Variants in LRIG1 observed in about 807,000 individuals in gnomAD.
LRIG1 encodes leucine rich repeats and immunoglobulin like domains 1, also known as leucine-rich repeats and immunoglobulin-like domains protein 1.
A neutral mutation model predicts 99.2 loss-of-function variants in LRIG1; 48 were observed. The observed-to-expected ratio is 0.48, with a 90% confidence interval of 0.38 to 0.62. LRIG1 has a LOEUF of 0.62. LRIG1 is among the 20% of genes least tolerant of loss of function. LRIG1 has a pLI of 0.00. For synonymous variants in LRIG1, 772 were observed against 596.1 expected (o/e 1.29, Z -4.30); for missense variants, 1,646 against 1,434.4 (o/e 1.15, Z -2.38).
chr3:66,486,195 T>C (rs777711923), intron 1 of LRIG1, among the ~76,000 whole-genome samples: 23 of 152,288 alleles, frequency 1.5e-4, no homozygotes, highest in Admixed American at 6.5e-4. Context: ...ATAGCTACCC[T>C]TCCTCAAGCT....
intron 3 of LRIG1, among the ~76,000 whole-genome samples, chr3:66,424,234 C>T (rs1254487372): frequency 1.3e-5 from 2 of 152,116 alleles, no homozygotes; most frequent in African/African-American, 4.8e-5. Flanking sequence ...ATGACACCCC[C>T]CACCCCCACT....
chr3:66,391,143 TAAAAA>T (rs1292347578), intron 12 of LRIG1, among the ~76,000 whole-genome samples: 1 of 151,918 alleles, frequency 6.6e-6, no homozygotes, highest in Non-Finnish European at 1.5e-5. Context: ...ACATCCAAAA[TAAAAA>T]AGACAGTTAA....
intron 15 of LRIG1, among the ~76,000 whole-genome samples, chr3:66,382,653 C>A (rs1344652912): frequency 6.6e-6 from 1 of 152,182 alleles, no homozygotes; most frequent in Non-Finnish European, 1.5e-5. Context: ...AAAGCCGGGG[C>A]TCACAGAAGT....
chr3:66,418,675 G>A lies in LRIG1; in HGVS notation c.366-1409C>T, dbSNP rs139315358. ...ATCTCTGGCCAATCAAAGCATTCTT[G>A]AACACAACACAAGTAAGCCAGGCGT... On this transcript the variant is annotated intron_variant, in intron 3 of 18. Coordinates refer to ENST00000273261, the MANE Select transcript of LRIG1 (RefSeq NM_015541.3). 2.7e-3 allele frequency among the ~76,000 whole-genome samples: 410 copies of A among 152,314 alleles called. 1 individual carries two copies. The highest frequency in any genetic ancestry group is 4.5e-3 in the Non-Finnish European group (308 of 68,028).
chr3:66,405,130 C>A, intron 9 of LRIG1, 68 bp downstream of exon 9: 2 of 1,441,250 alleles, frequency 1.4e-6, no homozygotes, highest in African/African-American at 1.4e-5. Context: ...GGGGGCGCCA[C>A]AGAAACATCT....
chr3:66,423,260 T>C (rs1575679095), intron 3 of LRIG1, among the ~76,000 whole-genome samples: 1 of 152,226 alleles, frequency 6.6e-6, no homozygotes, highest in Non-Finnish European at 1.5e-5. Context: ...ATGTTATGTG[T>C]ACTTTACCAC....
chr3:66,498,459 C>T (rs924030728), intron 1 of LRIG1, among the ~76,000 whole-genome samples: 2 of 151,670 alleles, frequency 1.3e-5, no homozygotes, highest in Non-Finnish European at 2.9e-5. Flanking sequence ...TTCTGTGGAA[C>T]TAAGTGCTTT....
intron 3 of LRIG1, among the ~76,000 whole-genome samples, chr3:66,423,991 G>T (rs989996511): frequency 3.1e-4 from 47 of 152,314 alleles, no homozygotes; most frequent in African/African-American, 1.1e-3. Flanking sequence ...ACTGGTTCTT[G>T]TCTACTCTTC....
chr3:66,420,615 A>G (rs1702775562), intron 3 of LRIG1, among the ~76,000 whole-genome samples: 1 of 152,236 alleles, frequency 6.6e-6, no homozygotes, highest in African/African-American at 2.4e-5. Context: ...CTTAAAAAGA[A>G]AAGAAATTCT....
Position 66,500,383 on chromosome 3 carries a change from G to A in LRIG1, c.25C>T (p.Leu9Phe), listed in dbSNP as rs1035375295. MARPVRGG[L>F]GAPRRSPCLL... ...CAAGGCGAGCGGCGCGGGGCCCCGA[G>A]CCCTCCCCGGACCGGCCGCGCCATC... is the stretch of plus-strand genomic sequence containing the variant. The change falls in exon 1 of 19, where the codon CTC (leucine) becomes TTC (phenylalanine). Residue 9 changes from leucine (L) to phenylalanine (F), a missense_variant. Coordinates refer to ENST00000273261, the MANE Select transcript of LRIG1 (RefSeq NM_015541.3). 6.2e-6 allele frequency: 9 copies of A among 1,463,386 alleles called. No homozygotes were observed. Among genetic ancestry groups the A allele is most frequent in the East Asian group, 5.5e-5 (2 of 36,496 alleles). The allele number at this position is 1,463,386 out of a possible 1,614,324, so 90.7% of individuals were successfully genotyped here.
rs556603109 is a variant in LRIG1 at position 66,412,863 on chromosome 3, G to A, written c.791+8C>T. The A allele has an allele frequency of 1.6e-5, 26 of 1,613,738 alleles. No individual in the cohort carries two copies. The highest frequency in any genetic ancestry group is 1.3e-4 in the Admixed American group (8 of 59,976). On this transcript the variant is annotated splice_region_variant and intron_variant, in intron 6 of 18. Coordinates refer to ENST00000273261, the MANE Select transcript of LRIG1 (RefSeq NM_015541.3). ...CTTAGCAATGCCAGTAACCTGGTCC[G>A]CACTTACAGCACATGCATCTTGGAC...
At chr3:66,411,494 GC>G (rs1257623601) in intron 6 of LRIG1, among the ~76,000 whole-genome samples, 2 of 152,170 alleles carry the variant, frequency 1.3e-5, no homozygotes, top group African/African-American at 4.8e-5. Flanking sequence ...AAAATGACAT[GC>G]CTAAGGAGGT....
In LRIG1 at chr3:66,380,406, G is replaced by C; in HGVS notation, c.3139C>G (p.Pro1047Ala). ...AAGTACTGGGCTTCCGCGCGCTCTG[G>C]ACTGCCTGAAGTTAATGAAGATGCA... ...QPASSLTSGS[P>A]ERAEAQYLLV... Residue 1047 changes from proline to alanine, a missense_variant, in exon 19 of 19, where the codon CCA becomes GCA. Coordinates refer to ENST00000273261, the MANE Select transcript of LRIG1 (RefSeq NM_015541.3). The C allele has an allele frequency of 6.2e-7, 1 of 1,614,174 alleles. No homozygotes were observed.
intron 8 of LRIG1, among the ~76,000 whole-genome samples, chr3:66,407,018 G>C (rs933424783): frequency 6.6e-6 from 1 of 152,186 alleles, no homozygotes; most frequent in Non-Finnish European, 1.5e-5. Context: ...GGCTGCACCA[G>C]GCGCTCAGCG....
chr3:66,475,862 A>G (rs978516061), intron 1 of LRIG1, among the ~76,000 whole-genome samples: 1 of 152,218 alleles, frequency 6.6e-6, no homozygotes, highest in Admixed American at 6.5e-5. Flanking sequence ...TATTTATCTA[A>G]GGCCTGGGTA....
At position 66,414,923 on chromosome 3, in the gene LRIG1, T is replaced by A. The variant is rs762649308; in HGVS notation, c.644A>T (p.Gln215Leu). The A allele has an allele frequency of 6.3e-7, 1 of 1,595,820 alleles. No homozygotes were observed. The highest frequency in any genetic ancestry group is 1.1e-5 in the South Asian group (1 of 87,642). ...AAGTGTAGGTTTCTGTACTCACAGTTGTGTCAGCCTGGGTAGCTTGAATGC... is the reference window on the plus strand; with the variant it reads ...AAGTGTAGGTTTCTGTACTCACAGTAGTGTCAGCCTGGGTAGCTTGAATGC... ...VRAFKLPRLTQLDLNRNRIRL... is the reference protein window; with the variant it reads ...VRAFKLPRLTLLDLNRNRIRL... The change falls in exon 5 of 19, where the codon CAA becomes CTA. Residue 215 changes from glutamine to leucine, a missense_variant. Transcript: ENST00000273261.
chr3:66,487,152 T>C (rs1700993555), intron 1 of LRIG1, among the ~76,000 whole-genome samples: 1 of 152,176 alleles, frequency 6.6e-6, no homozygotes, highest in Non-Finnish European at 1.5e-5. Context: ...TCCATAATTT[T>C]TGTTTTAGGT....
intron 1 of LRIG1, among the ~76,000 whole-genome samples, chr3:66,470,820 TC>T (rs1298379572): frequency 6.6e-6 from 1 of 152,220 alleles, no homozygotes; most frequent in African/African-American, 2.4e-5. Flanking sequence ...CTAGGATCTT[TC>T]CTACCAAAAA....
chr3:66,489,794 G>A (rs1701061078), intron 1 of LRIG1, among the ~76,000 whole-genome samples: 1 of 152,150 alleles, frequency 6.6e-6, no homozygotes, highest in Non-Finnish European at 1.5e-5. Flanking sequence ...AACGTCTCCT[G>A]AGGCCCAGCC....
Sources: allele counts gnomAD v4.1 joint callset (sites outside exome capture counted in the v4.1 genomes callset), GRCh38; gene constraint gnomAD v4.1.1; transcripts MANE v1.5; gene names NCBI Gene and HGNC (gene_info 2026-07-23, HGNC 2026-07-21).